PLEKHG3: variants seen among roughly 807,000 people sequenced by gnomAD.
PLEKHG3 encodes the protein pleckstrin homology domain-containing family G member 3.
PLEKHG3 carries 62 observed loss-of-function variants against 94.9 expected under a neutral mutation model. The ratio of observed to expected loss-of-function variants is 0.65; its 90% CI spans 0.53 to 0.81. PLEKHG3 has a LOEUF of 0.81. PLEKHG3 is among the 30% of genes least tolerant of loss of function. The pLI, the probability that PLEKHG3 is intolerant of heterozygous loss-of-function variation, is 0.00. For missense variants in PLEKHG3, 1,461 were observed against 1,619.3 expected (o/e 0.90, Z 1.68); for synonymous variants, 614 against 654.0 (o/e 0.94, Z 0.93).
Position 64,733,705 on chromosome 14 carries a change from A to G in PLEKHG3, c.1345+804A>G, listed in dbSNP as rs185465787. ...GGAAATATTTATTTTGGGTCTCAGG[A>G]AAAGGTTCCATTTTCCTCCCTTGAG... On this transcript the variant is annotated intron_variant, in intron 12 of 16. Transcript: ENST00000247226. Among the ~76,000 whole-genome samples the G allele has an allele frequency of 2.0e-5, 3 of 152,338 alleles. No homozygotes were observed. The East Asian group carries it at 5.8e-4, about 29-fold the overall frequency.
intron 1 of PLEKHG3, among the ~76,000 whole-genome samples, chr14:64,724,705 T>C (rs1390725891): frequency 6.6e-6 from 1 of 152,222 alleles, no homozygotes; most frequent in African/African-American, 2.4e-5. Context: ...CTGCAGCTTA[T>C]GCTGAAGCAA....
chr14:64,737,972 G>GGTC, intron 14 of PLEKHG3: 1 of 1,239,060 alleles, frequency 8.1e-7, no homozygotes, highest in Non-Finnish European at 1.0e-6. Flanking sequence ...AAGAGGAGGA[G>GGTC]GTGGTGGAGG....
chr14:64,749,219 CCGGCGGG>C lies in PLEKHG3; in HGVS notation c.*5523_*5529del. 6.8e-7 allele frequency: 1 copy of C among 1,479,250 alleles called. No individual in the cohort carries two copies. The highest frequency in any genetic ancestry group is 9.1e-7 in the Non-Finnish European group (1 of 1,099,516). The allele number at this position is 1,479,250 out of a possible 1,614,324, so 91.6% of individuals were successfully genotyped here. A position where few individuals can be genotyped will look rare whatever the true frequency, so the allele number is the denominator to read the frequency against. On this transcript the variant is annotated 3_prime_UTR_variant, in exon 17 of 17. Transcript: ENST00000247226. This position sits in a 1 kb window ranked among gnomAD's most constrained non-coding sequence, Gnocchi z 4.7. ...CGCGACTCGACTCATCTCGATTCGA[CCGGCGGG>C]CGGCGGCGAGAGGAGGCCAAGGCCT...
intron 1 of PLEKHG3, among the ~76,000 whole-genome samples, chr14:64,708,829 A>G (rs1472556217): frequency 5.2e-5 from 1 of 19,410 alleles, no homozygotes; most frequent in Non-Finnish European, 1.1e-4. Context: ...CCCACCCCCC[A>G]AGTATGTCGC....
In PLEKHG3 at chr14:64,746,873, G is replaced by A. The variant is rs968791229; in HGVS notation, c.*3170G>A. ...CGTTTGGGAATACTGTCAAAAGACTGTAGAGTAGAATAAGGAGAGAAAAAA... is the reference window on the plus strand; with the variant it reads ...CGTTTGGGAATACTGTCAAAAGACTATAGAGTAGAATAAGGAGAGAAAAAA... On this transcript the variant is annotated 3_prime_UTR_variant, in exon 17 of 17. Coordinates refer to ENST00000247226, the MANE Select transcript of PLEKHG3 (RefSeq NM_001308147.2). The surrounding 1 kb of genome is among the most constrained non-coding windows in gnomAD (Gnocchi z 4.9). 2.0e-5 allele frequency: 3 copies of A among 152,114 alleles called. No individual in the cohort carries two copies. The highest frequency in any genetic ancestry group is 7.3e-5 in the African/African-American group (3 of 41,290). The allele number at this position is 152,114 out of a possible 1,614,324, so 9.4% of individuals were successfully genotyped here. A position where few individuals can be genotyped will look rare whatever the true frequency, so the allele number is the denominator to read the frequency against.
rs1566712617 is a variant in PLEKHG3, at chr14:64,737,388, G to A, written c.1404+13G>A. On this transcript the variant is annotated intron_variant, in intron 14 of 16. Coordinates refer to ENST00000247226, the MANE Select transcript of PLEKHG3 (RefSeq NM_001308147.2). ...AGCAGGAATGAAGGTAAAGGCCAGT[G>A]GGAGGAGGGGACTGGCTGACAGAGG... The A allele has an allele frequency of 5.1e-6, 8 of 1,577,318 alleles. No individual in the cohort carries two copies. The highest frequency in any genetic ancestry group is 4.7e-5 in the South Asian group (4 of 84,800).
chr14:64,743,035 G>C lies in PLEKHG3; in HGVS notation c.2992G>C (p.Glu998Gln). The C allele has an allele frequency of 6.2e-7, 1 of 1,613,344 alleles. No individual in the cohort carries two copies. Among genetic ancestry groups the C allele is most frequent in the Non-Finnish European group, 8.5e-7 (1 of 1,179,910 alleles). The change falls in exon 17 of 17, where the codon GAG becomes CAG. Residue 998 changes from glutamate to glutamine, a missense_variant. This residue lies in a region of PLEKHG3 where 1,201 missense variants were observed against 1,295.5 expected (regional missense o/e 0.93). Transcript: ENST00000247226. The surrounding 1 kb of genome is among the most constrained non-coding windows in gnomAD (Gnocchi z 7.2). ...LFDYEQLMAQEHSPPKPSSAG... is the reference protein window; with the variant it reads ...LFDYEQLMAQQHSPPKPSSAG... Reference sequence around the variant, plus strand: ...TGACTATGAGCAGCTGATGGCCCAGGAGCACAGCCCTCCCAAGCCCTCCTC... The same window carrying C: ...TGACTATGAGCAGCTGATGGCCCAGCAGCACAGCCCTCCCAAGCCCTCCTC...
rs1336271772 is a variant in PLEKHG3 at position 64,749,738 on chromosome 14, A to AG, written c.*6040dup. On this transcript the variant is annotated 3_prime_UTR_variant, in exon 17 of 17. Coordinates refer to ENST00000247226, the MANE Select transcript of PLEKHG3 (RefSeq NM_001308147.2). The surrounding 1 kb of genome is among the most constrained non-coding windows in gnomAD (Gnocchi z 4.7). ...TTTCCTGTCATGGAGACACCTCTGG[A>AG]GGGGGCGCTGGGCAGAGGGCTGGCT... The AG allele has an allele frequency of 6.2e-7, 1 of 1,607,244 alleles. No homozygotes were observed. Among genetic ancestry groups the AG allele is most frequent in the East Asian group, 2.2e-5 (1 of 44,490 alleles).
chr14:64,717,191 CT>C lies in PLEKHG3; in HGVS notation c.-39-10401del, dbSNP rs1594668264. Among the ~76,000 whole-genome samples, 1 of 151,934 alleles carries C rather than the reference CT, an allele frequency of 6.6e-6. No homozygotes were observed. The highest frequency in any genetic ancestry group is 1.9e-4 in the East Asian group (1 of 5,148). On this transcript the variant is annotated intron_variant, in intron 1 of 16. Transcript: ENST00000247226. This position sits in a 1 kb window ranked among gnomAD's most constrained non-coding sequence, Gnocchi z 4.7. ...TTTGGAAAATCCACTTTCCTAACTT[CT>C]CTGGGTCAGGCACCAAGCCCAAGGT... is the stretch of plus-strand genomic sequence containing the variant.
At chr14:64,706,610 G>A (rs551662002) in intron 1 of PLEKHG3, among the ~76,000 whole-genome samples, 4 of 152,354 alleles carry the variant, frequency 2.6e-5, no homozygotes, top group East Asian at 1.9e-4. Flanking sequence ...TATGTCCCAC[G>A]TGTGTGCCAC....
chr14:64,745,507 C>A lies in PLEKHG3; in HGVS notation c.*1804C>A, dbSNP rs2081818289. The stretch of plus-strand genomic sequence containing the variant: ...ACGGAGTCTTGCTCTGTCGCCCAGG[C>A]TGGAGCGCAGTGGTGCAATCTTGGC... On this transcript the variant is annotated 3_prime_UTR_variant, in exon 17 of 17. Transcript: ENST00000247226. The surrounding 1 kb of genome is among the most constrained non-coding windows in gnomAD (Gnocchi z 5.0). 4 of 152,588 alleles carry A rather than the reference C, an allele frequency of 2.6e-5. No individual in the cohort carries two copies. The highest frequency in any genetic ancestry group is 2.6e-4 in the Admixed American group (4 of 15,290). The allele number at this position is 152,588 out of a possible 1,614,324, so 9.5% of individuals were successfully genotyped here.
At chr14:64,734,887 GT>G (rs1002861473) in intron 12 of PLEKHG3, among the ~76,000 whole-genome samples, 7 of 148,340 alleles carry the variant, frequency 4.7e-5, no homozygotes, top group South Asian at 2.1e-4. Context: ...CGCCCAGCTA[GT>G]TTTTTTTTTG....
chr14:64,728,160 A>G lies in PLEKHG3; in HGVS notation c.351+178A>G, dbSNP rs540337688. Among the ~76,000 whole-genome samples, 1 of 152,216 alleles carries G rather than the reference A, an allele frequency of 6.6e-6. No homozygotes were observed. Among genetic ancestry groups the G allele is most frequent in the Non-Finnish European group, 1.5e-5 (1 of 68,032 alleles). On this transcript the variant is annotated intron_variant, in intron 2 of 16. Coordinates refer to ENST00000247226, the MANE Select transcript of PLEKHG3 (RefSeq NM_001308147.2). The surrounding 1 kb of genome is among the most constrained non-coding windows in gnomAD (Gnocchi z 5.9). ...AGGCTTCCCTAGGACCTTGGGCCAG[A>G]TCAGTAGCTTGGGCCGACAGGAGTG...
chr14:64,738,963 G>A lies in PLEKHG3; in HGVS notation c.1518+108G>A. On this transcript the variant is annotated intron_variant, in intron 15 of 16. Coordinates refer to ENST00000247226, the MANE Select transcript of PLEKHG3 (RefSeq NM_001308147.2). This position sits in a 1 kb window ranked among gnomAD's most constrained non-coding sequence, Gnocchi z 4.8. ...ACAGGCTCTCCCACTGGGCCCATGG[G>A]AACAGAGATTCCCCACCTCCCAGGA... is the stretch of plus-strand genomic sequence containing the variant. 1 of 712,104 alleles carries A rather than the reference G, an allele frequency of 1.4e-6. No individual in the cohort carries two copies. Among genetic ancestry groups the A allele is most frequent in the East Asian group, 2.7e-5 (1 of 36,756 alleles). 44.1% of individuals were successfully genotyped at this position (712,104 alleles called of 1,614,324 possible).
intron 13 of PLEKHG3, 118 bp downstream of exon 13, chr14:64,737,009 G>T: frequency 1.2e-6 from 1 of 823,366 alleles, no homozygotes; most frequent in South Asian, 1.4e-5. Flanking sequence ...ATAGTGTAGA[G>T]GGAACTCTGC....
Position 64,730,860 on chromosome 14 carries a change from C to G in PLEKHG3, c.628C>G (p.Arg210Gly). ...GCAGCAGGCCAAGTTCTTTCGGGAC[C>G]GGCAGGAGCTGCTACAGCACTCGCT... ...DKQQAKFFRD[R>G]QELLQHSLPL... The change falls in exon 6 of 17, where the codon CGG (arginine) becomes GGG (glycine). Residue 210 changes from arginine to glycine, a missense_variant. Arg to Gly is a moderately radical substitution (Grantham distance 125, BLOSUM62 -2). Transcript: ENST00000247226. The surrounding 1 kb of genome is among the most constrained non-coding windows in gnomAD (Gnocchi z 5.4). 1 of 1,613,182 alleles carries G rather than the reference C, an allele frequency of 6.2e-7. No homozygotes were observed. The highest frequency in any genetic ancestry group is 8.5e-7 in the Non-Finnish European group (1 of 1,179,982).
Position 64,738,209 on chromosome 14 carries a change from C to G in PLEKHG3, c.1405-533C>G, listed in dbSNP as rs1347772385. The G allele has an allele frequency of 4.7e-6, 6 of 1,288,642 alleles. No individual in the cohort carries two copies. The highest frequency in any genetic ancestry group is 4.6e-5 in the Admixed American group (2 of 43,552). The allele number at this position is 1,288,642 out of a possible 1,614,324, so 79.8% of individuals were successfully genotyped here. On this transcript the variant is annotated intron_variant, in intron 14 of 16. Coordinates refer to ENST00000247226, the MANE Select transcript of PLEKHG3 (RefSeq NM_001308147.2). The surrounding 1 kb of genome is among the most constrained non-coding windows in gnomAD (Gnocchi z 4.8). ...ACTATCGGGCCAACGCTTTACTTTT[C>G]TCCCGGGGCGCTATGGTGAGGTGTC...
chr14:64,738,287 G>A lies in PLEKHG3; in HGVS notation c.1405-455G>A, dbSNP rs978282073. ...CTCCCTGGGATGTGCATGCCCACCC[G>A]AGGGCCCCCTCTGCTGCCCTCCTCA... On this transcript the variant is annotated intron_variant, in intron 14 of 16. Coordinates refer to ENST00000247226, the MANE Select transcript of PLEKHG3 (RefSeq NM_001308147.2). The surrounding 1 kb of genome is among the most constrained non-coding windows in gnomAD (Gnocchi z 4.8). 1.3e-5 allele frequency: 14 copies of A among 1,098,106 alleles called. No homozygotes were observed. Among genetic ancestry groups the A allele is most frequent in the African/African-American group, 3.2e-5 (2 of 62,170 alleles). The allele number at this position is 1,098,106 out of a possible 1,614,324, so 68.0% of individuals were successfully genotyped here.
chr14:64,741,625 A>G lies in PLEKHG3; in HGVS notation c.2108A>G (p.Lys703Arg). 6.2e-7 allele frequency: 1 copy of G among 1,612,906 alleles called. No individual in the cohort carries two copies. Among genetic ancestry groups the G allele is most frequent in the Non-Finnish European group, 8.5e-7 (1 of 1,179,976 alleles). ...CPVEPDRSSC[K>R]KKESALSTRD... is the part of the protein sequence containing the mutation. The stretch of plus-strand genomic sequence containing the variant: ...GTGGAGCCTGACCGGTCTTCCTGCA[A>G]GAAGAAGGAATCAGCACTCTCCACC... Residue 703 changes from lysine to arginine, a missense_variant, in exon 16 of 17, where the codon AAG becomes AGG. Lys to Arg is a conservative substitution (Grantham distance 26). Transcript: ENST00000247226.
Sources: allele counts gnomAD v4.1 joint callset (sites outside exome capture counted in the v4.1 genomes callset), GRCh38; gene constraint gnomAD v4.1.1; regional missense constraint gnomAD v4.1.1; non-coding constraint Gnocchi (gnomAD v3.1); transcripts MANE v1.5; gene names NCBI Gene and HGNC (gene_info 2026-07-23, HGNC 2026-07-21).